RYR2: variants seen among roughly 807,000 people sequenced by gnomAD.
RYR2 encodes ryanodine receptor 2.
RYR2 carries 227 observed loss-of-function variants against 601.1 expected under a neutral mutation model. That is an observed-to-expected ratio of 0.38 (90% CI 0.34 to 0.42). The LOEUF is 0.42. RYR2 is among the 10% of genes least tolerant of loss of function. The pLI is 1.00. For missense variants in RYR2, 4,646 were observed against 6,156.5 expected, an observed-to-expected ratio of 0.75 and a Z score of 8.21; for synonymous variants, 2,223 against 2,175.1, an observed-to-expected ratio of 1.02 and a Z score of -0.61.
intron 16 of RYR2, among the ~76,000 whole-genome samples, chr1:237,457,156 T>A (rs1658933932): frequency 6.6e-6 from 1 of 152,148 alleles, no homozygotes; most frequent in Non-Finnish European, 1.5e-5. Context: ...TTTATATGGA[T>A]GTGTGTTAAA....
At chr1:237,124,330 C>G (rs1671165703) in intron 1 of RYR2, among the ~76,000 whole-genome samples, 1 of 152,174 alleles carries the variant, frequency 6.6e-6, no homozygotes, top group Non-Finnish European at 1.5e-5. Flanking sequence ...TCACAGTTGA[C>G]CATTCGGTAT....
intron 3 of RYR2, among the ~76,000 whole-genome samples, chr1:237,353,837 G>A (rs1306077973): frequency 6.6e-6 from 1 of 151,984 alleles, no homozygotes; most frequent in East Asian, 1.9e-4. Context: ...TCAAGTTTTT[G>A]GAAAAAATGT....
chr1:237,259,566 T>C (rs564539131), intron 1 of RYR2, among the ~76,000 whole-genome samples: 1 of 149,210 alleles, frequency 6.7e-6, no homozygotes, highest in South Asian at 2.1e-4. Context: ...ACCGTCACCT[T>C]GTATAAAACC....
chr1:237,214,320 A>G (rs1259165214), intron 1 of RYR2, among the ~76,000 whole-genome samples: 2 of 152,082 alleles, frequency 1.3e-5, no homozygotes, highest in African/African-American at 4.8e-5. Flanking sequence ...AGGTTGGGTA[A>G]TTTCTAATGA....
intron 1 of RYR2, among the ~76,000 whole-genome samples, chr1:237,246,068 C>T (rs905966376): frequency 1.3e-5 from 2 of 151,674 alleles, no homozygotes; most frequent in Non-Finnish European, 2.9e-5. Flanking sequence ...GCGTGAGCCA[C>T]CACACCTGGC....
intron 96 of RYR2, among the ~76,000 whole-genome samples, chr1:237,795,920 G>A (rs541391874): frequency 0.2 from 7,800 of 39,352 alleles, 267 homozygotes; most frequent in East Asian, 0.52. Context: ...ACATATGCAC[G>A]CGTATGTGTG....
intron 101 of RYR2, among the ~76,000 whole-genome samples, chr1:237,821,999 A>G (rs1328265505): frequency 6.6e-6 from 1 of 152,082 alleles, no homozygotes; most frequent in Non-Finnish European, 1.5e-5. Flanking sequence ...AGAAATGAAC[A>G]AAGCCTCCAG....
At position 237,556,907 on chromosome 1, in the gene RYR2, A is replaced by AC. The variant is rs1451100335; in HGVS notation, c.3214+6216_3214+6217insC. ...AAAAAAAAAAAAAAAAAAAAAAAAA[A>AC]AACCCTCTCAGTGGCTAAAAATAAC... On this transcript the variant is annotated intron_variant, in intron 27 of 104. Coordinates refer to ENST00000366574, the MANE Select transcript of RYR2 (RefSeq NM_001035.3). Among the ~76,000 whole-genome samples, 72 of 134,500 alleles carry AC rather than the reference A, an allele frequency of 5.4e-4. 1 individual carries two copies. The highest frequency in any genetic ancestry group is 3.7e-3 in the Middle Eastern group (1 of 270). 88.2% of individuals were successfully genotyped at this position (134,500 alleles called of 152,430 possible).
At chr1:237,112,336 A>G (rs928418059) in intron 1 of RYR2, among the ~76,000 whole-genome samples, 2 of 151,810 alleles carry the variant, frequency 1.3e-5, no homozygotes, top group Non-Finnish European at 2.9e-5. Flanking sequence ...CTGGTCTCGA[A>G]CTCCTGACCT....
At chr1:237,310,365 CAAGCTGAGTCATGCAAG>C (rs1299598984) in intron 2 of RYR2, among the ~76,000 whole-genome samples, 1 of 152,142 alleles carries the variant, frequency 6.6e-6, no homozygotes, top group East Asian at 1.9e-4. Context: ...AATTAAACTA[CAAGCTGAGTCATGCAAG>C]AAGCTGCCTT....
At chr1:237,383,549 C>A (rs1293777805) in intron 8 of RYR2, among the ~76,000 whole-genome samples, 1 of 150,778 alleles carries the variant, frequency 6.6e-6, no homozygotes, top group Non-Finnish European at 1.5e-5. Flanking sequence ...CCTGCCTCAG[C>A]CTCCTGAGTA....
intron 41 of RYR2, among the ~76,000 whole-genome samples, chr1:237,630,009 TC>T (rs1680085421): frequency 6.6e-6 from 1 of 152,114 alleles, no homozygotes; most frequent in Admixed American, 6.5e-5. Flanking sequence ...AATATTTAAA[TC>T]TAACCCGAGG....
At position 237,490,326 on chromosome 1, in the gene RYR2, C is replaced by T. The variant is rs150318152; in HGVS notation, c.1709-1480C>T. 3.9e-5 allele frequency among the ~76,000 whole-genome samples: 6 copies of T among 152,120 alleles called. No individual in the cohort carries two copies. In the South Asian group the frequency reaches 6.2e-4, roughly 16 times the overall value. On this transcript the variant is annotated intron_variant, in intron 17 of 104. Coordinates refer to ENST00000366574, the MANE Select transcript of RYR2 (RefSeq NM_001035.3). ...AAACCTGCCCATGTATCCCTTGAAT[C>T]GAAAATAAAAGTTGAAATTATTTTT... is the stretch of plus-strand genomic sequence containing the variant.
At chr1:237,454,722 T>A (rs1331191289) in intron 15 of RYR2, 148 bp downstream of exon 15, 4 of 653,394 alleles carry the variant, frequency 6.1e-6, no homozygotes, top group Non-Finnish European at 1.0e-5. Context: ...AAACAGGCCT[T>A]AGAGAAATCT....
chr1:237,173,158 A>T (rs919100340), intron 1 of RYR2, among the ~76,000 whole-genome samples: 5 of 152,110 alleles, frequency 3.3e-5, no homozygotes, highest in Admixed American at 6.5e-5. Context: ...GATGCTGTAG[A>T]TACGACAAAC....
intron 35 of RYR2, among the ~76,000 whole-genome samples, chr1:237,606,440 T>C (rs1677132052): frequency 6.6e-6 from 1 of 152,198 alleles, no homozygotes; most frequent in Non-Finnish European, 1.5e-5. Flanking sequence ...AAGACTTAAA[T>C]GTTCGACCTA....
intron 101 of RYR2, among the ~76,000 whole-genome samples, chr1:237,824,141 A>G (rs1282907941): frequency 2.0e-5 from 3 of 152,186 alleles, no homozygotes; most frequent in Non-Finnish European, 4.4e-5. Context: ...TATTCCCAAC[A>G]ATAGAAAAAG....
intron 99 of RYR2, among the ~76,000 whole-genome samples, chr1:237,808,021 C>A (rs1207630870): frequency 6.6e-6 from 1 of 152,032 alleles, no homozygotes; most frequent in Non-Finnish European, 1.5e-5. Context: ...TTATAGCTAT[C>A]CAAAAATTAA....
chr1:237,658,848 ATTTT>A (rs766551574), intron 54 of RYR2, among the ~76,000 whole-genome samples: 1 of 152,182 alleles, frequency 6.6e-6, no homozygotes, highest in East Asian at 1.9e-4. Context: ...CGGCCAGGTG[ATTTT>A]TTTGTGTGTT....
Sources: gnomAD v4.1 joint callset for allele counts (sites outside exome capture counted in the v4.1 genomes callset) on GRCh38, gnomAD v4.1.1 for gene constraint, MANE v1.5 for transcripts, NCBI Gene and HGNC (gene_info 2026-07-23, HGNC 2026-07-21) for gene names.